The following NRXN1 variants were observed in gnomAD, a reference collection of about 807,000 sequenced individuals.
NRXN1 encodes the protein neurexin 1, also known as neurexin-1.
Under a neutral mutation model 150.9 loss-of-function variants are expected in NRXN1, and 39 were observed. The observed-to-expected ratio is 0.26, with a 90% CI of 0.20 to 0.34. The LOEUF is 0.34. NRXN1 is among the 10% of genes least tolerant of loss of function. The pLI, the probability that NRXN1 is intolerant of heterozygous loss-of-function variation, is 1.00. For synonymous variants in NRXN1, 924 were observed against 757.0 expected (o/e 1.22, Z -3.62); for missense variants, 1,815 against 1,949.9 (o/e 0.93, Z 1.30).
chr2:50,255,253 T>C (rs1224181327), intron 17 of NRXN1, among the ~76,000 whole-genome samples: 1 of 152,180 alleles, frequency 6.6e-6, no homozygotes, highest in East Asian at 1.9e-4. Context: ...CATGAAGTTC[T>C]TTGGCCAATT....
chr2:50,584,873 A>G (rs1391781336), intron 8 of NRXN1, among the ~76,000 whole-genome samples: 1 of 152,236 alleles, frequency 6.6e-6, no homozygotes, highest in Non-Finnish European at 1.5e-5. Flanking sequence ...TGTAGAAATG[A>G]GAAGGTAAAT....
chr2:50,004,642 T>C (rs1396778998), intron 21 of NRXN1, among the ~76,000 whole-genome samples: 1 of 152,154 alleles, frequency 6.6e-6, no homozygotes, highest in Non-Finnish European at 1.5e-5. Context: ...ATACACTTTC[T>C]ACCTTCCTTT....
chr2:50,090,468 G>T (rs1432034868), intron 19 of NRXN1, among the ~76,000 whole-genome samples: 2 of 152,062 alleles, frequency 1.3e-5, no homozygotes, highest in East Asian at 3.8e-4. Flanking sequence ...AGAGAGAAAT[G>T]AGACTGATGC....
intron 21 of NRXN1, among the ~76,000 whole-genome samples, chr2:49,953,048 C>A (rs557420981): frequency 6.6e-6 from 1 of 152,120 alleles, no homozygotes; most frequent in Admixed American, 6.6e-5. Flanking sequence ...TTTGGACAAG[C>A]AGCCAGTTAT....
At position 49,934,912 on chromosome 2, in the gene NRXN1, A is replaced by G. The variant is rs184343371; in HGVS notation, c.4216+8792T>C. The stretch of plus-strand genomic sequence containing the variant: ...GAACCTAAATTTATCCAGCTAAAGC[A>G]CTGCTCCTGTCTTAGTGGTCACTGA... On this transcript the variant is annotated intron_variant, in intron 22 of 22. Coordinates refer to ENST00000401669, the MANE Select transcript of NRXN1 (RefSeq NM_001330078.2). Among the ~76,000 whole-genome samples, 743 of 152,312 alleles carry G rather than the reference A, an allele frequency of 4.9e-3. 11 individuals are homozygous for G. The highest frequency in any genetic ancestry group is 0.017 in the African/African-American group (692 of 41,558).
At chr2:50,187,563 G>A (rs543218715) in intron 18 of NRXN1, among the ~76,000 whole-genome samples, 1 of 152,136 alleles carries the variant, frequency 6.6e-6, no homozygotes, top group African/African-American at 2.4e-5. Context: ...GGTTGTCTTG[G>A]CTATAAGGAG....
intron 17 of NRXN1, among the ~76,000 whole-genome samples, chr2:50,452,066 A>G (rs1291915083): frequency 6.6e-6 from 1 of 152,246 alleles, no homozygotes; most frequent in Admixed American, 6.5e-5. Flanking sequence ...TGATGTAAGT[A>G]GATATCTGAA....
chr2:50,864,341 T>C (rs1676564359), intron 5 of NRXN1, among the ~76,000 whole-genome samples: 1 of 152,010 alleles, frequency 6.6e-6, no homozygotes, highest in African/African-American at 2.4e-5. Flanking sequence ...TCAGCCTGAT[T>C]TCAAGCTCCC....
At position 50,367,068 on chromosome 2, in the gene NRXN1, G is replaced by C. The variant is rs143958983; in HGVS notation, c.3364+98374C>G. On this transcript the variant is annotated intron_variant, in intron 17 of 22. Coordinates refer to ENST00000401669, the MANE Select transcript of NRXN1 (RefSeq NM_001330078.2). ...GGAGAGACATTTATCCTTAAGGAAAGTAGGGAACATATTATTTGCTTTGGG... is the reference window on the plus strand; with the variant it reads ...GGAGAGACATTTATCCTTAAGGAAACTAGGGAACATATTATTTGCTTTGGG... 2.3e-3 allele frequency among the ~76,000 whole-genome samples: 343 copies of C among 152,086 alleles called. 1 individual carries two copies. The highest frequency in any genetic ancestry group is 7.8e-3 in the African/African-American group (323 of 41,518).
intron 17 of NRXN1, among the ~76,000 whole-genome samples, chr2:50,431,265 T>A (rs985490552): frequency 6.6e-6 from 1 of 152,230 alleles, no homozygotes; most frequent in African/African-American, 2.4e-5. Context: ...ATAATTACCA[T>A]GGCTTACCTA....
chr2:50,156,318 A>T (rs542329984), intron 18 of NRXN1, among the ~76,000 whole-genome samples: 2 of 152,012 alleles, frequency 1.3e-5, no homozygotes, highest in African/African-American at 4.8e-5. Context: ...TAGGATAGCA[A>T]GTAATACAGT....
At chr2:50,025,096 A>C (rs1308116016) in intron 21 of NRXN1, among the ~76,000 whole-genome samples, 1 of 152,180 alleles carries the variant, frequency 6.6e-6, no homozygotes, top group Non-Finnish European at 1.5e-5. Context: ...ACACAGGTTA[A>C]ATTCTGAATG....
chr2:50,264,649 C>A (rs2068650654), intron 17 of NRXN1, among the ~76,000 whole-genome samples: 1 of 151,840 alleles, frequency 6.6e-6, no homozygotes, highest in Non-Finnish European at 1.5e-5. Context: ...GGATGATCTC[C>A]CTAAGTGGTA....
chr2:50,945,360 A>G (rs1690179302), intron 2 of NRXN1, among the ~76,000 whole-genome samples: 2 of 152,068 alleles, frequency 1.3e-5, no homozygotes, highest in African/African-American at 4.8e-5. Flanking sequence ...GCTACTGAAG[A>G]GGCTGAGGCA....
At chr2:50,698,119 G>A (rs549325654) in intron 5 of NRXN1, among the ~76,000 whole-genome samples, 21 of 152,296 alleles carry the variant, frequency 1.4e-4, no homozygotes, top group South Asian at 4.1e-4. Context: ...AACATTGTGC[G>A]GGCAGGGTCA....
At chr2:50,924,927 A>G (rs1349430069) in intron 3 of NRXN1, among the ~76,000 whole-genome samples, 1 of 151,684 alleles carries the variant, frequency 6.6e-6, no homozygotes, top group Non-Finnish European at 1.5e-5. Flanking sequence ...TGGGATAGGG[A>G]GTCTTTTTCT....
chr2:51,004,411 C>T (rs1414029448), intron 2 of NRXN1, among the ~76,000 whole-genome samples: 5 of 151,860 alleles, frequency 3.3e-5, no homozygotes, highest in African/African-American at 4.8e-5. Context: ...TTGGATAAGT[C>T]ATCAGCCTAG....
At chr2:50,025,502 TG>T (rs1558718816) in intron 21 of NRXN1, among the ~76,000 whole-genome samples, 1 of 152,198 alleles carries the variant, frequency 6.6e-6, no homozygotes, top group East Asian at 1.9e-4. Flanking sequence ...CTATAGGTCA[TG>T]GAAGCCACAA....
chr2:51,026,302 G>A (rs1363346881), intron 2 of NRXN1: 9 of 996,128 alleles, frequency 9.0e-6, no homozygotes, highest in Non-Finnish European at 1.4e-5. Flanking sequence ...TGACCCATAA[G>A]CTATCTACTT....
Sources: gnomAD v4.1 joint callset for allele counts (sites outside exome capture counted in the v4.1 genomes callset) on GRCh38, gnomAD v4.1.1 for gene constraint, MANE v1.5 for transcripts, NCBI Gene and HGNC (gene_info 2026-07-23, HGNC 2026-07-21) for gene names.